The following RGL3 variants were observed in gnomAD, a reference collection of about 807,000 sequenced individuals.
The protein encoded by RGL3 is ral guanine nucleotide dissociation stimulator-like 3.
A neutral mutation model predicts 90.6 loss-of-function variants in RGL3; 85 were observed. The ratio of observed to expected loss-of-function variants is 0.94; its 90% CI spans 0.79 to 1.12. The LOEUF (loss-of-function observed/expected upper bound fraction) is 1.12, where lower values mean the gene tolerates loss of function less well. Ranked by LOEUF, RGL3 falls within the 50% of genes most tolerant of loss-of-function variation. The pLI is 0.00. For synonymous variants in RGL3, 408 were observed against 385.5 expected (o/e 1.06, Z -0.68); for missense variants, 1,034 against 939.2 (o/e 1.10, Z -1.32).
intron 5 of RGL3, among the ~76,000 whole-genome samples, chr19:11,410,208 C>T (rs1555719668): frequency 6.6e-6 from 1 of 150,626 alleles, no homozygotes; most frequent in Non-Finnish European, 1.5e-5. Context: ...ACCATGTTGG[C>T]CGGACTGGTC....
intron 16 of RGL3, among the ~76,000 whole-genome samples, chr19:11,399,463 G>A (rs1968633234): frequency 6.6e-6 from 1 of 152,156 alleles, no homozygotes; most frequent in Non-Finnish European, 1.5e-5. Context: ...TACTTGGGAG[G>A]CTGAGGTGGA....
intron 18 of RGL3, among the ~76,000 whole-genome samples, chr19:11,395,090 C>T (rs1244618880): frequency 2.0e-5 from 3 of 147,854 alleles, no homozygotes; most frequent in Non-Finnish European, 3.0e-5. Context: ...GAGACTCCAT[C>T]TCAAAAAAAA....
At chr19:11,396,132 CTCTCTATA>C (rs1241751165) in intron 18 of RGL3, among the ~76,000 whole-genome samples, 77 of 38,672 alleles carry the variant, frequency 2.0e-3, no homozygotes, top group African/African-American at 7.4e-3. Flanking sequence ...CTCTCTCTCT[CTCTCTATA>C]TATATATATA....
intron 5 of RGL3, among the ~76,000 whole-genome samples, chr19:11,414,446 CATAT>C (rs578086951): frequency 3.0e-4 from 14 of 46,766 alleles, no homozygotes; most frequent in African/African-American, 1.6e-3. Flanking sequence ...CATATATATA[CATAT>C]ATATATATAC....
At chr19:11,418,503 T>A in intron 2 of RGL3, 168 bp downstream of exon 2, 1 of 534,540 alleles carries the variant, frequency 1.9e-6, no homozygotes, top group Non-Finnish European at 3.3e-6. Flanking sequence ...CTCCCCCCAC[T>A]TACCTGGCCG....
At chr19:11,395,878 C>G (rs543786080) in intron 18 of RGL3, among the ~76,000 whole-genome samples, 10 of 150,820 alleles carry the variant, frequency 6.6e-5, no homozygotes, top group Non-Finnish European at 1.2e-4. Flanking sequence ...CCACCCGCCT[C>G]GGCCTCCCAA....
intron 5 of RGL3, 71 bp downstream of exon 5, chr19:11,415,866 G>T: frequency 7.4e-7 from 1 of 1,350,790 alleles, no homozygotes; most frequent in Non-Finnish European, 1.0e-6. Context: ...AGAGGGGAGA[G>T]AAAGCCTGTG....
At chr19:11,396,089 A>T (rs1968560436) in intron 18 of RGL3, among the ~76,000 whole-genome samples, 1 of 115,700 alleles carries the variant, frequency 8.6e-6, no homozygotes, top group Non-Finnish European at 1.7e-5. Flanking sequence ...ACATGCCACC[A>T]TGCTCAGCTA....
At chr19:11,414,152 T>G (rs1181282794) in intron 5 of RGL3, among the ~76,000 whole-genome samples, 1 of 84,294 alleles carries the variant, frequency 1.2e-5, no homozygotes, top group Non-Finnish European at 2.3e-5. Flanking sequence ...TATATATATA[T>G]ATATATATAT....
At chr19:11,416,198 G>C in intron 4 of RGL3, 50 bp from the exon 5 acceptor site, 2 of 1,011,898 alleles carry the variant, frequency 2.0e-6, no homozygotes, top group Non-Finnish European at 1.4e-6. Flanking sequence ...GGGGGACATA[G>C]AATATGACTC....
chr19:11,415,887 C>CA, intron 5 of RGL3, 50 bp downstream of exon 5: 13 of 1,487,066 alleles, frequency 8.7e-6, no homozygotes, highest in Non-Finnish European at 1.1e-5. Flanking sequence ...TGGGAAGAAG[C>CA]AGACAGGAAA....
In RGL3 at chr19:11,405,334, C is replaced by A. The variant is rs756366087; in HGVS notation, c.1089G>T (p.Gly363=). The part of the protein sequence containing the change: ...NPIYRLKRSW[G]AVSREPLSTF... ...CCGCCCCAGCTCACCGGCTCACTGC[C>A]CCCCAGCTGCGCTTGAGCCGGTAGA... is the stretch of plus-strand genomic sequence containing the variant. Residue 363 remains glycine (G), a synonymous_variant, in exon 8 of 19, where the codon GGG becomes GGT. Transcript: ENST00000380456. The A allele has an allele frequency of 1.2e-6, 2 of 1,613,258 alleles. No homozygotes were observed. Among genetic ancestry groups the A allele is most frequent in the Non-Finnish European group, 1.7e-6 (2 of 1,179,710 alleles).
At chr19:11,404,027 G>A (rs1040670954) in intron 9 of RGL3, among the ~76,000 whole-genome samples, 4 of 152,086 alleles carry the variant, frequency 2.6e-5, no homozygotes, top group Admixed American at 6.6e-5. Flanking sequence ...GACTACAGAC[G>A]TGCACCACAA....
At chr19:11,399,560 A>C (rs1359722529) in intron 16 of RGL3, among the ~76,000 whole-genome samples, 1 of 152,058 alleles carries the variant, frequency 6.6e-6, no homozygotes, top group African/African-American at 2.4e-5. Flanking sequence ...CAGAGCAAGA[A>C]GACCCTGTTT....
At chr19:11,396,100 A>ATCTCTCTCTC (rs66711304) in intron 18 of RGL3, among the ~76,000 whole-genome samples, 15 of 33,930 alleles carry the variant, frequency 4.4e-4, no homozygotes, top group African/African-American at 1.6e-3. Context: ...TGCTCAGCTA[A>ATCTCTCTCTC]TCTCTCTCTC....
chr19:11,410,623 A>G (rs1410558389), intron 5 of RGL3, among the ~76,000 whole-genome samples: 1 of 151,980 alleles, frequency 6.6e-6, no homozygotes, highest in Non-Finnish European at 1.5e-5. Context: ...TCAAGGCTGC[A>G]GTGAGCTGTG....
intron 16 of RGL3, among the ~76,000 whole-genome samples, chr19:11,398,014 T>C (rs1968609009): frequency 6.6e-6 from 1 of 151,544 alleles, no homozygotes; most frequent in Non-Finnish European, 1.5e-5. Context: ...ATCTCAAAAA[T>C]AAATAAATAA....
intron 13 of RGL3, among the ~76,000 whole-genome samples, chr19:11,400,778 C>G (rs1454222718): frequency 6.6e-6 from 1 of 151,724 alleles, no homozygotes; most frequent in East Asian, 1.9e-4. Context: ...TTGCTTGAAC[C>G]TGGGAGGCGG....
At position 11,397,602 on chromosome 19, in the gene RGL3, A is replaced by G. The variant is rs755488135; in HGVS notation, c.1747-5T>C. ...CAGGTCCAGGCTCAGGGGCAGCTGC[A>G]GGCAGTAAGGGGTGGAGGCTACAGC... On this transcript the variant is annotated splice_region_variant and splice_polypyrimidine_tract_variant and intron_variant, in intron 16 of 18. Transcript: ENST00000380456. 7 of 1,543,336 alleles carry G rather than the reference A, an allele frequency of 4.5e-6. No homozygotes were observed. In the South Asian group the frequency reaches 7.1e-5, roughly 16 times the overall value.
Sources: allele counts gnomAD v4.1 joint callset (sites outside exome capture counted in the v4.1 genomes callset), GRCh38; gene constraint gnomAD v4.1.1; transcripts MANE v1.5; gene names NCBI Gene and HGNC (gene_info 2026-07-23, HGNC 2026-07-21).